BCAS3: variants seen among roughly 807,000 people sequenced by gnomAD.
BCAS3 encodes the protein BCAS4/BCAS3 fusion.
Under a neutral mutation model 116.1 loss-of-function variants are expected in BCAS3, and 53 were observed. The ratio of observed to expected loss-of-function variants is 0.46; its 90% CI spans 0.37 to 0.57. BCAS3 has a LOEUF of 0.57. Ranked by LOEUF, BCAS3 falls within the 20% of genes least tolerant of loss-of-function variation. BCAS3 has a pLI of 0.00. For missense variants in BCAS3, 917 were observed against 1,165.4 expected, an observed-to-expected ratio of 0.79 and a Z score of 3.10; for synonymous variants, 391 against 408.2, an observed-to-expected ratio of 0.96 and a Z score of 0.51.
chr17:60,720,459 T>C (rs2039114369), intron 5 of BCAS3: 1 of 152,234 alleles, frequency 6.6e-6, no homozygotes, highest in Non-Finnish European at 1.5e-5. Flanking sequence ...TTGAAATGCT[T>C]ATTTTTTTCT....
intron 19 of BCAS3, among the ~76,000 whole-genome samples, chr17:61,044,577 A>G (rs748434636): frequency 3.6e-4 from 54 of 151,538 alleles, no homozygotes; most frequent in Non-Finnish European, 6.5e-4. Context: ...GAACTTATCA[A>G]TGATGTTAAA....
At chr17:61,374,338 T>C (rs1392337096) in intron 23 of BCAS3, among the ~76,000 whole-genome samples, 1 of 151,498 alleles carries the variant, frequency 6.6e-6, no homozygotes, top group African/African-American at 2.4e-5. Flanking sequence ...ACTCGGCTAA[T>C]TTTTGTATTT....
At chr17:60,850,215 G>A (rs2052956749) in intron 7 of BCAS3, among the ~76,000 whole-genome samples, 1 of 151,960 alleles carries the variant, frequency 6.6e-6, no homozygotes, top group African/African-American at 2.4e-5. Context: ...TACATTGTGT[G>A]GCATTTGAGA....
rs187271066 is a variant in BCAS3, at chr17:60,975,464, A to G, written c.1222-14507A>G. The stretch of plus-strand genomic sequence containing the variant: ...GGGCTATTAAAAGAAACCACAAACT[A>G]TAAAAAGAGGCTATAGAACTTCACT... On this transcript the variant is annotated intron_variant, in intron 14 of 23. Coordinates refer to ENST00000407086, the MANE Select transcript of BCAS3 (RefSeq NM_017679.5). Among the ~76,000 whole-genome samples the G allele has an allele frequency of 1.1e-4, 16 of 152,366 alleles. No individual in the cohort carries two copies. In the East Asian group the frequency reaches 2.1e-3, roughly 20 times the overall value.
At chr17:61,002,641 C>T (rs2064325927) in intron 15 of BCAS3, 1 of 152,048 alleles carries the variant, frequency 6.6e-6, no homozygotes. Context: ...CAATTAATAT[C>T]CTTTCTGAGT....
At chr17:60,763,228 C>T (rs1238435388) in intron 6 of BCAS3, among the ~76,000 whole-genome samples, 1 of 152,158 alleles carries the variant, frequency 6.6e-6, no homozygotes, top group African/African-American at 2.4e-5. Flanking sequence ...ACTTCCAACA[C>T]TATGTTGAAT....
In BCAS3 at chr17:61,188,623, A is replaced by G. The variant is rs1376474821; in HGVS notation, c.2425+104059A>G. 2.6e-5 allele frequency among the ~76,000 whole-genome samples: 4 copies of G among 152,234 alleles called. No homozygotes were observed. The highest frequency in any genetic ancestry group is 2.6e-4 in the Admixed American group (4 of 15,290). ...CAGTAGGTCTTAGCTTGTGCTAAGC[A>G]TATAGAGTCCACTGTGGATGCAAGT... On this transcript the variant is annotated intron_variant, in intron 22 of 23. Transcript: ENST00000407086. The surrounding 1 kb of genome is among the most constrained non-coding windows in gnomAD (Gnocchi z 4.0).
At chr17:61,234,611 A>G (rs2082883444) in intron 22 of BCAS3, among the ~76,000 whole-genome samples, 1 of 152,052 alleles carries the variant, frequency 6.6e-6, no homozygotes, top group Admixed American at 6.5e-5. Flanking sequence ...GCAGATTAAC[A>G]CCTACAGTTC....
intron 22 of BCAS3, among the ~76,000 whole-genome samples, chr17:61,094,971 T>C (rs890821030): frequency 1.3e-5 from 2 of 152,258 alleles, no homozygotes; most frequent in African/African-American, 4.8e-5. Context: ...TTCATGTTGC[T>C]ACAAAATCAT....
intron 6 of BCAS3, among the ~76,000 whole-genome samples, chr17:60,765,480 GT>G (rs1427277125): frequency 2.6e-5 from 4 of 152,104 alleles, no homozygotes; most frequent in African/African-American, 9.7e-5. Flanking sequence ...GAAATTCTGG[GT>G]TGAAAATTCT....
At chr17:60,788,771 A>C (rs965391746) in intron 6 of BCAS3, among the ~76,000 whole-genome samples, 14 of 152,140 alleles carry the variant, frequency 9.2e-5, no homozygotes, top group Non-Finnish European at 7.4e-5. Flanking sequence ...GATAAATGAG[A>C]GTATTATTCA....
rs1415874106 is a variant in BCAS3 at position 60,961,851 on chromosome 17, AGT to A, written c.1221+14503_1221+14504del. Among the ~76,000 whole-genome samples the A allele has an allele frequency of 1.4e-4, 21 of 151,910 alleles. No individual in the cohort carries two copies. In the South Asian group the frequency reaches 1.5e-3, roughly 11 times the overall value. Reference sequence around the variant, plus strand: ...TTGAGGAAGGCACATCTCACACAGCAGTGTGAAAACCCACTCATCATGCTTAT... The same window carrying A: ...TTGAGGAAGGCACATCTCACACAGCAGTGAAAACCCACTCATCATGCTTAT... On this transcript the variant is annotated intron_variant, in intron 14 of 23. Coordinates refer to ENST00000407086, the MANE Select transcript of BCAS3 (RefSeq NM_017679.5). This position sits in a 1 kb window ranked among gnomAD's most constrained non-coding sequence, Gnocchi z 4.8.
chr17:61,262,796 A>G (rs2049340173), intron 22 of BCAS3, among the ~76,000 whole-genome samples: 1 of 150,284 alleles, frequency 6.7e-6, no homozygotes, highest in Admixed American at 6.6e-5. Flanking sequence ...AGGTTCAACC[A>G]ATTCTCCTGC....
intron 11 of BCAS3, among the ~76,000 whole-genome samples, chr17:60,906,087 C>T (rs891476676): frequency 1.3e-5 from 2 of 152,272 alleles, no homozygotes; most frequent in Admixed American, 1.3e-4. Flanking sequence ...TTCCAGCTTG[C>T]TTATCTATGC....
intron 7 of BCAS3, among the ~76,000 whole-genome samples, chr17:60,843,436 C>T (rs1391453835): frequency 6.6e-6 from 1 of 152,064 alleles, no homozygotes; most frequent in Non-Finnish European, 1.5e-5. Flanking sequence ...TCAGGCTGAT[C>T]TCGAACTCCT....
At chr17:61,160,021 C>T (rs1335432909) in intron 22 of BCAS3, among the ~76,000 whole-genome samples, 1 of 145,640 alleles carries the variant, frequency 6.9e-6, no homozygotes, top group African/African-American at 2.6e-5. Context: ...GTGACAGTCT[C>T]GCTGGTATCT....
intron 22 of BCAS3, among the ~76,000 whole-genome samples, chr17:61,298,691 T>C (rs753299673): frequency 6.6e-6 from 1 of 152,180 alleles, no homozygotes; most frequent in Non-Finnish European, 1.5e-5. Context: ...ACACCCTGCA[T>C]CCTCCACCTT....
chr17:60,774,881 G>T (rs1030849679), intron 6 of BCAS3, among the ~76,000 whole-genome samples: 5 of 152,186 alleles, frequency 3.3e-5, no homozygotes, highest in Non-Finnish European at 5.9e-5. Context: ...GCTGCGTGTT[G>T]TTGGATGTCT....
Position 61,343,116 on chromosome 17 carries a change from C to T in BCAS3, c.2426-25211C>T, listed in dbSNP as rs2057288908. 2.0e-5 allele frequency among the ~76,000 whole-genome samples: 3 copies of T among 152,170 alleles called. No homozygotes were observed. Among genetic ancestry groups the T allele is most frequent in the Non-Finnish European group, 4.4e-5 (3 of 68,024 alleles). ...GGCCACCTTATCCTATTTTCCCAGG[C>T]TCCTGGGCCACCGAGGAGGGTCAAT... On this transcript the variant is annotated intron_variant, in intron 22 of 23. Coordinates refer to ENST00000407086, the MANE Select transcript of BCAS3 (RefSeq NM_017679.5). This position sits in a 1 kb window ranked among gnomAD's most constrained non-coding sequence, Gnocchi z 5.5.
Sources: allele counts gnomAD v4.1 joint callset (sites outside exome capture counted in the v4.1 genomes callset), GRCh38; gene constraint gnomAD v4.1.1; non-coding constraint Gnocchi (gnomAD v3.1); transcripts MANE v1.5; gene names NCBI Gene and HGNC (gene_info 2026-07-23, HGNC 2026-07-21).